The following CYP2C8 variants were observed in gnomAD, a reference collection of about 807,000 sequenced individuals.
The protein encoded by CYP2C8 is cytochrome P450 family 2 subfamily C member 8.
CYP2C8 carries 51 observed loss-of-function variants against 41.3 expected under a neutral mutation model. The ratio of observed to expected loss-of-function variants is 1.24; its 90% CI spans 0.99 to 1.56. The LOEUF is 1.56. Among genes scored for constraint, CYP2C8 ranks in the 40% most tolerant of loss-of-function variants. CYP2C8 has a pLI of 0.00. For missense variants in CYP2C8, 651 were observed against 579.9 expected (o/e 1.12, Z -1.26); for synonymous variants, 218 against 205.8 (o/e 1.06, Z -0.51).
chr10:95,047,965 T>C (rs983417623), intron 5 of CYP2C8, among the ~76,000 whole-genome samples: 1 of 152,210 alleles, frequency 6.6e-6, no homozygotes, highest in East Asian at 1.9e-4. Context: ...CTTGTGCTCA[T>C]GAAGGCAAGG....
At chr10:95,068,325 A>G (rs562851208) in intron 1 of CYP2C8, among the ~76,000 whole-genome samples, 1 of 152,232 alleles carries the variant, frequency 6.6e-6, no homozygotes, top group Non-Finnish European at 1.5e-5. Flanking sequence ...ATCTCCTGGA[A>G]GAACAATTTC....
chr10:95,069,248 T>G lies in CYP2C8; in HGVS notation c.155A>C (p.Lys52Thr). ...AGGCAGACTTACATTGGTGAAAGATTTGCAGATGTCCTTAACATCTATCTG... is the reference window on the plus strand; with the variant it reads ...AGGCAGACTTACATTGGTGAAAGATGTGCAGATGTCCTTAACATCTATCTG... ...MLQIDVKDIC[K>T]SFTNFSKVYG... Residue 52 changes from lysine (K) to threonine (T), a missense_variant, in exon 1 of 9, where the codon AAA (lysine) becomes ACA (threonine). By Grantham distance (78) the Lys-to-Thr change is moderately conservative. Coordinates refer to ENST00000371270, the MANE Select transcript of CYP2C8 (RefSeq NM_000770.3). 2 of 1,614,110 alleles carry G rather than the reference T, an allele frequency of 1.2e-6. No individual in the cohort carries two copies. The highest frequency in any genetic ancestry group is 1.7e-6 in the Non-Finnish European group (2 of 1,179,972).
At chr10:95,045,545 C>A (rs2033090742) in intron 6 of CYP2C8, among the ~76,000 whole-genome samples, 1 of 152,232 alleles carries the variant, frequency 6.6e-6, no homozygotes, top group Admixed American at 6.5e-5. Context: ...CTCCTTACCA[C>A]AAATTACCTT....
At chr10:95,053,718 G>A (rs2033255227) in intron 5 of CYP2C8, among the ~76,000 whole-genome samples, 1 of 151,858 alleles carries the variant, frequency 6.6e-6, no homozygotes, top group Non-Finnish European at 1.5e-5. Flanking sequence ...TGAACAATGA[G>A]AACACATGGA....
intron 5 of CYP2C8, among the ~76,000 whole-genome samples, chr10:95,055,674 TGAC>T (rs1272775530): frequency 2.0e-5 from 3 of 152,182 alleles, no homozygotes; most frequent in Non-Finnish European, 4.4e-5. Context: ...AAATGTGAAA[TGAC>T]AACCTGTAGA....
chr10:95,069,145 A>C, intron 1 of CYP2C8, 90 bp downstream of exon 1: 1 of 1,375,220 alleles, frequency 7.3e-7, no homozygotes, highest in Non-Finnish European at 1.0e-6. Flanking sequence ...CTATTATAAT[A>C]GTGTGCTTCC....
intron 5 of CYP2C8, among the ~76,000 whole-genome samples, chr10:95,054,488 CA>C (rs988165725): frequency 2.3e-4 from 35 of 151,994 alleles, no homozygotes; most frequent in African/African-American, 7.7e-4. Context: ...ACCCCAAAAT[CA>C]GGGGGAAAAG....
chr10:95,055,814 G>T (rs959286952), intron 5 of CYP2C8, among the ~76,000 whole-genome samples: 4 of 152,120 alleles, frequency 2.6e-5, no homozygotes, highest in African/African-American at 9.7e-5. Flanking sequence ...AAAGGGCCAG[G>T]TGTGGTGCCT....
rs377386087 is a variant in CYP2C8, at chr10:95,067,319, G to A, written c.370C>T (p.Arg124Trp). The A allele has an allele frequency of 8.8e-5, 142 of 1,613,936 alleles. No individual in the cohort carries two copies. The highest frequency in any genetic ancestry group is 2.0e-4 in the East Asian group (9 of 44,878). Residue 124 changes from arginine to tryptophan, a missense_variant, in exon 3 of 9, where the codon CGG becomes TGG. Arg to Trp is a moderately radical substitution (Grantham distance 101). Transcript: ENST00000371270. ...CGCAAGGTTGTGAGGGAGAAACGCC[G>A]GATCTCCTTCCATCTCTTTCCATTG... is the stretch of plus-strand genomic sequence containing the variant. ...SSNGKRWKEI[R>W]RFSLTTLRNF...
intron 3 of CYP2C8, among the ~76,000 whole-genome samples, chr10:95,066,143 A>AGT (rs1453134470): frequency 6.2e-5 from 7 of 112,782 alleles, no homozygotes; most frequent in African/African-American, 2.6e-4. Context: ...AGAGAGAGAG[A>AGT]GAGAGAGAGA....
chr10:95,047,995 A>C (rs944199176), intron 5 of CYP2C8, among the ~76,000 whole-genome samples: 2 of 152,218 alleles, frequency 1.3e-5, no homozygotes, highest in African/African-American at 2.4e-5. Context: ...TTGAGTTCAG[A>C]TCCCAGCAGT....
chr10:95,042,980 G>A lies in CYP2C8; in HGVS notation c.1059C>T (p.His353=), dbSNP rs11188150. The A allele has an allele frequency of 5.5e-3, 8,919 of 1,614,018 alleles. 202 individuals are homozygous for A. Among genetic ancestry groups the A allele is most frequent in the South Asian group, 0.05 (4,574 of 91,078 alleles). Residue 353 remains histidine, a synonymous_variant, in exon 7 of 9, where the codon CAC becomes CAT. Coordinates refer to ENST00000371270, the MANE Select transcript of CYP2C8 (RefSeq NM_000770.3). ...SHMPYTDAVV[H]EIQRYSDLVP... ...CAAGGTCACTGTATCTCTGGATCTC[G>A]TGCACTACAGCATCAGTGTAAGGCA...
At chr10:95,049,735 TG>T (rs1275553917) in intron 5 of CYP2C8, among the ~76,000 whole-genome samples, 1 of 152,034 alleles carries the variant, frequency 6.6e-6, no homozygotes, top group African/African-American at 2.4e-5. Flanking sequence ...GACAGTAGAC[TG>T]GGGTGGGAGG....
chr10:95,058,510 A>G lies in CYP2C8; in HGVS notation c.644T>C (p.Val215Ala). 2 of 1,610,006 alleles carry G rather than the reference A, an allele frequency of 1.2e-6. No individual in the cohort carries two copies. Among genetic ancestry groups the G allele is most frequent in the Non-Finnish European group, 1.7e-6 (2 of 1,177,328 alleles). Residue 215 changes from valine to alanine, a missense_variant and splice_region_variant, in exon 5 of 9, where the codon GTC (valine) becomes GCC (alanine). Physicochemically the swap from Val to Ala is moderately conservative, Grantham distance 64. Transcript: ENST00000371270. Reference sequence around the variant, plus strand: ...AATGAGTAGAGGGAAATTATTGCAGACCTAAAAGAGAAAAGAATATTAAAT... The same window carrying G: ...AATGAGTAGAGGGAAATTATTGCAGGCCTAAAAGAGAAAAGAATATTAAAT... The part of the protein sequence containing the change: ...FRILNSPWIQ[V>A]CNNFPLLIDC...
chr10:95,048,969 G>A (rs1056509660), intron 5 of CYP2C8, among the ~76,000 whole-genome samples: 1 of 152,086 alleles, frequency 6.6e-6, no homozygotes, highest in Non-Finnish European at 1.5e-5. Context: ...GTTGACAATG[G>A]GACCTAATTA....
rs762895826 is a variant in CYP2C8, at chr10:95,043,003, G to A, written c.1036C>T (p.Pro346Ser). ...TCGTGCACTACAGCATCAGTGTAAG[G>A]CATGTGGCTCCTATCCTGCATGCAG... ...SPCMQDRSHM[P>S]YTDAVVHEIQ... Residue 346 changes from proline to serine, a missense_variant, in exon 7 of 9, where the codon CCT (proline) becomes TCT (serine). Transcript: ENST00000371270. The A allele has an allele frequency of 3.7e-6, 6 of 1,614,156 alleles. No homozygotes were observed. The highest frequency in any genetic ancestry group is 1.7e-5 in the Admixed American group (1 of 60,020).
intron 6 of CYP2C8, 52 bp from the exon 7 acceptor site, chr10:95,043,129 G>A (rs1298335394): frequency 6.5e-7 from 1 of 1,547,444 alleles, no homozygotes; most frequent in Non-Finnish European, 8.9e-7. Context: ...TGGAACATTT[G>A]TCATAGCAAT....
chr10:95,067,727 C>T (rs11572074), intron 1 of CYP2C8, 36 bp from the exon 2 acceptor site: 555 of 1,602,622 alleles, frequency 3.5e-4, no homozygotes, highest in Non-Finnish European at 4.4e-4. Context: ...CAAAATAAGT[C>T]GCTATTTGCT....
chr10:95,065,853 G>A (rs183811398), intron 3 of CYP2C8, among the ~76,000 whole-genome samples: 11 of 152,124 alleles, frequency 7.2e-5, no homozygotes, highest in East Asian at 3.9e-4. Flanking sequence ...GCTTTTATTC[G>A]GTGAAGGAAT....
Sources: allele counts gnomAD v4.1 joint callset (sites outside exome capture counted in the v4.1 genomes callset), GRCh38; gene constraint gnomAD v4.1.1; transcripts MANE v1.5; gene names NCBI Gene and HGNC (gene_info 2026-07-23, HGNC 2026-07-21).